MUC5AC: variants seen among roughly 807,000 people sequenced by gnomAD.
MUC5AC encodes mucin 5AC, oligomeric mucus/gel-forming.
Under a neutral mutation model 169.7 loss-of-function variants are expected in MUC5AC, and 158 were observed. The ratio of observed to expected loss-of-function variants is 0.93; its 90% confidence interval spans 0.82 to 1.06. The LOEUF (loss-of-function observed/expected upper bound fraction) is 1.06. Ranked by LOEUF, MUC5AC falls within the 50% of genes least tolerant of loss-of-function variation. The probability of loss-of-function intolerance (pLI) is 0.00; values close to 1 mark genes in which losing one functional copy is unlikely to be tolerated. For missense variants in MUC5AC, 4,359 were observed against 3,089.9 expected, an observed-to-expected ratio of 1.41 and a Z score of -9.74; for synonymous variants, 1,975 against 1,237.0, an observed-to-expected ratio of 1.60 and a Z score of -12.52.
In MUC5AC at chr11:1,162,947, C is replaced by T. The variant is rs1405925140; in HGVS notation, c.589-8C>T. 3.7e-6 allele frequency: 6 copies of T among 1,612,048 alleles called. No individual in the cohort carries two copies. Among genetic ancestry groups the T allele is most frequent in the Non-Finnish European group, 5.1e-6 (6 of 1,179,380 alleles). On this transcript the variant is annotated splice_polypyrimidine_tract_variant and splice_region_variant and intron_variant, in intron 5 of 48. Transcript: ENST00000621226. Reference sequence around the variant, plus strand: ...GGGGATGGGTGTCTGATGTCTCTCCCTTTGCAGCTGGAGCTGGACACCAAA... The same window carrying T: ...GGGGATGGGTGTCTGATGTCTCTCCTTTTGCAGCTGGAGCTGGACACCAAA...
At position 1,168,679 on chromosome 11, in the gene MUC5AC, C is replaced by G; in HGVS notation, c.1605C>G (p.Ile535Met). 6.2e-7 allele frequency: 1 copy of G among 1,611,048 alleles called. No homozygotes were observed. The highest frequency in any genetic ancestry group is 8.5e-7 in the Non-Finnish European group (1 of 1,178,374). The change falls in exon 14 of 49, where the codon ATC becomes ATG. Residue 535 changes from isoleucine (I) to methionine (M), a missense_variant. Transcript: ENST00000621226. ...TCTTCAGACCCTCAACCTTCTTCATCATCGCCCAGACCAGCCTGGGCCTGC... is the reference window on the plus strand; with the variant it reads ...TCTTCAGACCCTCAACCTTCTTCATGATCGCCCAGACCAGCCTGGGCCTGC... ...VTIFRPSTFFIIAQTSLGLQL... is the reference protein window; with the variant it reads ...VTIFRPSTFFMIAQTSLGLQL...
intron 15 of MUC5AC, among the ~76,000 whole-genome samples, chr11:1,171,233 TTCACTCATTCACCCAC>T: frequency 1.3e-5 from 1 of 74,278 alleles, no homozygotes; most frequent in African/African-American, 5.3e-5. Flanking sequence ...CACTCACCCA[TTCACTCATTCACCCAC>T]TCATCCACTC....
intron 16 of MUC5AC, among the ~76,000 whole-genome samples, chr11:1,173,998 TTCAC>T (rs1482407925): frequency 1.4e-5 from 2 of 144,610 alleles, no homozygotes; most frequent in Non-Finnish European, 3.0e-5. Flanking sequence ...CACCTACTCA[TTCAC>T]TCACTCATTC....
At position 1,181,320 on chromosome 11, in the gene MUC5AC, C is replaced by A; in HGVS notation, c.3870C>A (p.Ile1290=). The change falls in exon 30 of 49, where the codon ATC becomes ATA. Residue 1290 remains isoleucine (I), a synonymous_variant. Transcript: ENST00000621226. ...NGQRFHPGDV[I]YHTTDGTGGC... Reference sequence around the variant, plus strand: ...AGCGCTTCCACCCAGGGGACGTCATCTACCACACGACGGATGGCACGGGTG... The same window carrying A: ...AGCGCTTCCACCCAGGGGACGTCATATACCACACGACGGATGGCACGGGTG... 1 of 398,654 alleles carries A rather than the reference C, an allele frequency of 2.5e-6. No homozygotes were observed. Among genetic ancestry groups the A allele is most frequent in the Non-Finnish European group, 4.4e-6 (1 of 226,126 alleles). The allele number at this position is 398,654 out of a possible 1,614,324, so 24.7% of individuals were successfully genotyped here.
Position 1,187,625 on chromosome 11 carries a change from C to A in MUC5AC, c.9480C>A (p.Pro3160=). The A allele has an allele frequency of 2.6e-6, 2 of 763,688 alleles. No homozygotes were observed. The highest frequency in any genetic ancestry group is 2.7e-5 in the South Asian group (2 of 74,444). The allele number at this position is 763,688 out of a possible 1,614,324, so 47.3% of individuals were successfully genotyped here. ...CTGGAACCACTCCCAGCCCTGTTCC[C>A]ACCACCAGCACAATCTTTGCTCCTA... ...SGPGTTPSPV[P]TTSTIFAPRT... Residue 3160 remains proline, a synonymous_variant, in exon 31 of 49, where the codon CCC becomes CCA. Coordinates refer to ENST00000621226, the MANE Select transcript of MUC5AC (RefSeq NM_001304359.2).
At position 1,163,901 on chromosome 11, in the gene MUC5AC, G is replaced by A. The variant is rs1162008839; in HGVS notation, c.699G>A (p.Met233Ile). The A allele has an allele frequency of 1.2e-5, 20 of 1,609,476 alleles. No individual in the cohort carries two copies. The highest frequency in any genetic ancestry group is 1.6e-5 in the Non-Finnish European group (19 of 1,178,634). ...CCGCAGACACCAAGCTGACACCCAT[G>A]GAATTCGGGAACCTGCAGAAGATGG... is the stretch of plus-strand genomic sequence containing the variant. ...LLSHNTKLTP[M>I]EFGNLQKMDD... The change falls in exon 7 of 49, where the codon ATG (methionine) becomes ATA (isoleucine). Residue 233 changes from methionine (M) to isoleucine (I), a missense_variant. Physicochemically the swap from Met to Ile is conservative, Grantham distance 10. Coordinates refer to ENST00000621226, the MANE Select transcript of MUC5AC (RefSeq NM_001304359.2).
intron 11 of MUC5AC, among the ~76,000 whole-genome samples, chr11:1,166,431 G>C (rs28532242): frequency 0.19 from 11,471 of 58,864 alleles, 1,403 homozygotes; most frequent in Non-Finnish European, 0.22. Flanking sequence ...CACGATGAGA[G>C]CCTGCACCCA....
chr11:1,189,554 A>C lies in MUC5AC; in HGVS notation c.11409A>C (p.Pro3803=). 1 of 588,428 alleles carries C rather than the reference A, an allele frequency of 1.7e-6. No individual in the cohort carries two copies. The highest frequency in any genetic ancestry group is 2.0e-5 in the African/African-American group (1 of 50,104). 36.5% of individuals were successfully genotyped at this position (588,428 alleles called of 1,614,324 possible). ...CTACAACCAGCACAACCTCCACTCC[A>C]CAGACCAGCACAATCTCTTCCCCTA... ...SAPTTSTTST[P]QTSTISSPTT... Residue 3803 remains proline (P), a synonymous_variant, in exon 31 of 49, where the codon CCA becomes CCC. Coordinates refer to ENST00000621226, the MANE Select transcript of MUC5AC (RefSeq NM_001304359.2).
In MUC5AC at chr11:1,182,585, C is replaced by G. The variant is rs1314091234; in HGVS notation, c.4440C>G (p.Pro1480=). Residue 1480 remains proline, a synonymous_variant, in exon 31 of 49, where the codon CCC becomes CCG. Transcript: ENST00000621226. ...GGGTCCAGTGCTGCACGCCCCTACC[C>G]TGCTCCACCTCTAGCAGTCCAGCCC... ...QIRVQCCTPL[P]CSTSSSPAQT... 2.5e-6 allele frequency: 1 copy of G among 398,670 alleles called. No homozygotes were observed. The highest frequency in any genetic ancestry group is 4.4e-6 in the Non-Finnish European group (1 of 226,204). The allele number at this position is 398,670 out of a possible 1,614,324, so 24.7% of individuals were successfully genotyped here.
intron 43 of MUC5AC, 117 bp from the exon 44 acceptor site, chr11:1,198,757 G>A (rs948653717): frequency 1.4e-5 from 9 of 640,714 alleles, no homozygotes; most frequent in East Asian, 5.4e-5. Flanking sequence ...CGGCCTGGTA[G>A]GAAGCGGCCT....
At chr11:1,161,695 A>G in intron 3 of MUC5AC, 109 bp downstream of exon 3, 1 of 1,335,202 alleles carries the variant, frequency 7.5e-7, no homozygotes, top group Non-Finnish European at 1.0e-6. Flanking sequence ...CCGGGTGAAC[A>G]CTGGGTGGGT....
At chr11:1,200,407 G>A (rs1374741298) in intron 48 of MUC5AC, 31 bp from the exon 49 acceptor site, 17 of 654,488 alleles carry the variant, frequency 2.6e-5, no homozygotes, top group Non-Finnish European at 4.5e-5. Context: ...GGGTGGCGCA[G>A]CAGCTGGTGC....
Position 1,161,572 on chromosome 11 carries a change from T to C in MUC5AC, c.197T>C (p.Ile66Thr). 1 of 1,610,290 alleles carries C rather than the reference T, an allele frequency of 6.2e-7. No individual in the cohort carries two copies. Among genetic ancestry groups the C allele is most frequent in the South Asian group, 1.1e-5 (1 of 90,968 alleles). Residue 66 changes from isoleucine to threonine, a missense_variant, in exon 3 of 49, where the codon ATC becomes ACC. Transcript: ENST00000621226. Reference sequence around the variant, plus strand: ...ACTGTCTTCCCATCTCTGAGGACCATCCCTGTGGTACGAGGTGAGTGGAGC... The same window carrying C: ...ACTGTCTTCCCATCTCTGAGGACCACCCCTGTGGTACGAGGTGAGTGGAGC... The part of the protein sequence containing the change: ...GATVFPSLRT[I>T]PVVRASNPAH...
rs1861135814 is a variant in MUC5AC, at chr11:1,192,238, A to C, written c.14093A>C (p.Glu4698Ala). The change falls in exon 31 of 49, where the codon GAA (glutamate) becomes GCA (alanine). Residue 4698 changes from glutamate (E) to alanine (A), a missense_variant. Physicochemically the swap from Glu to Ala is moderately radical, Grantham distance 107. Transcript: ENST00000621226. ...HLGQVVQCSR[E>A]EGLVCRNQDQ... is the part of the protein sequence containing the mutation. ...GGTCAGGTGGTGCAGTGCAGCCGTG[A>C]AGAGGGCCTGGTGTGCCGGAACCAG... is the stretch of plus-strand genomic sequence containing the variant. 1.3e-6 allele frequency: 1 copy of C among 764,968 alleles called. No individual in the cohort carries two copies. The highest frequency in any genetic ancestry group is 1.3e-5 in the South Asian group (1 of 74,630). 47.4% of individuals were successfully genotyped at this position (764,968 alleles called of 1,614,324 possible).
chr11:1,199,013 T>C lies in MUC5AC; in HGVS notation c.16296+17T>C. ...TGCCCTGTGGTGAGCGCTCCCACCC[T>C]GCCCCGACCCTGCCCTGGCTCTTGG... On this transcript the variant is annotated intron_variant, in intron 44 of 48. Coordinates refer to ENST00000621226, the MANE Select transcript of MUC5AC (RefSeq NM_001304359.2). The C allele has an allele frequency of 2.6e-6, 2 of 763,490 alleles. No homozygotes were observed. The highest frequency in any genetic ancestry group is 4.8e-6 in the Non-Finnish European group (2 of 417,046). 47.3% of individuals were successfully genotyped at this position (763,490 alleles called of 1,614,324 possible). A position where few individuals can be genotyped will look rare whatever the true frequency, so the allele number is the denominator to read the frequency against.
intron 19 of MUC5AC, among the ~76,000 whole-genome samples, chr11:1,175,639 A>AC (rs1860656173): frequency 7.1e-6 from 1 of 140,018 alleles, no homozygotes. Context: ...CCACTTATGC[A>AC]ACACTCACAC....
Position 1,183,984 on chromosome 11 carries a change from A to AC in MUC5AC, c.5840dup (p.Ser1948IlefsTer15), listed in dbSNP as rs1428041234. The AC allele has an allele frequency of 2.5e-6, 1 of 394,738 alleles. No homozygotes were observed. Among genetic ancestry groups the AC allele is most frequent in the Non-Finnish European group, 4.4e-6 (1 of 227,426 alleles). 24.5% of individuals were successfully genotyped at this position (394,738 alleles called of 1,614,324 possible). ...CAAGCCCACCCCCACGGAGCCCAGC[A>AC]CATCCTCCTGCCTGCAGGAGCTTTG... On this transcript the variant is annotated frameshift_variant, in exon 31 of 49. Transcript: ENST00000621226. LOFTEE classifies it high-confidence loss of function.
Position 1,200,843 on chromosome 11 carries a change from G to T in MUC5AC, c.*141G>T. Reference sequence around the variant, plus strand: ...CTGTCCACGCCCGCTTTCTTGTGGAGGGTGTGGGCTATGGGTCACCTGCTG... The same window carrying T: ...CTGTCCACGCCCGCTTTCTTGTGGATGGTGTGGGCTATGGGTCACCTGCTG... On this transcript the variant is annotated 3_prime_UTR_variant, in exon 49 of 49. Transcript: ENST00000621226. 2 of 597,904 alleles carry T rather than the reference G, an allele frequency of 3.3e-6. No individual in the cohort carries two copies. The highest frequency in any genetic ancestry group is 2.7e-5 in the Admixed American group (1 of 37,186). The allele number at this position is 597,904 out of a possible 1,614,324, so 37.0% of individuals were successfully genotyped here.
Position 1,165,805 on chromosome 11 carries a change from A to G in MUC5AC, c.1386+45A>G, listed in dbSNP as rs766431936. ...GGTGCTCGCCGGACAGAGGGGGCCC[A>G]TGGCCAGCCTCCCACAGGCTCCCCC... On this transcript the variant is annotated intron_variant, in intron 11 of 48. Coordinates refer to ENST00000621226, the MANE Select transcript of MUC5AC (RefSeq NM_001304359.2). 1.2e-5 allele frequency: 20 copies of G among 1,606,462 alleles called. No individual in the cohort carries two copies. In the African/African-American group the frequency reaches 1.7e-4, roughly 14 times the overall value.
Sources: allele counts gnomAD v4.1 joint callset (sites outside exome capture counted in the v4.1 genomes callset), GRCh38; gene constraint gnomAD v4.1.1; transcripts MANE v1.5; gene names NCBI Gene and HGNC (gene_info 2026-07-23, HGNC 2026-07-21).